Variants in LPCAT2 observed in about 807,000 individuals in gnomAD.
LPCAT2 encodes lysophosphatidylcholine acyltransferase 2.
LPCAT2 carries 58 observed loss-of-function variants against 64.7 expected under a neutral mutation model. The ratio of observed to expected loss-of-function variants is 0.90; its 90% confidence interval spans 0.73 to 1.12. The LOEUF (loss-of-function observed/expected upper bound fraction) is 1.12, where lower values mean the gene tolerates loss of function less well. Ranked by LOEUF, LPCAT2 falls within the 50% of genes most tolerant of loss-of-function variation. LPCAT2 has a pLI of 0.00. For missense variants in LPCAT2, 579 were observed against 669.8 expected, an observed-to-expected ratio of 0.86 and a Z score of 1.50; for synonymous variants, 252 against 245.3, an observed-to-expected ratio of 1.03 and a Z score of -0.26.
At chr16:55,582,232 CCT>C (rs1240868525) in intron 13 of LPCAT2, among the ~76,000 whole-genome samples, 4 of 152,136 alleles carry the variant, frequency 2.6e-5, no homozygotes, top group Admixed American at 6.5e-5. Context: ...TCCAGAAACC[CCT>C]GTGTGCCCTT....
At chr16:55,553,919 A>G (rs1237002196) in intron 11 of LPCAT2, among the ~76,000 whole-genome samples, 1 of 152,216 alleles carries the variant, frequency 6.6e-6, no homozygotes, top group Non-Finnish European at 1.5e-5. Context: ...GCCTATTTCT[A>G]TATCTCCATC....
intron 11 of LPCAT2, among the ~76,000 whole-genome samples, chr16:55,560,958 A>C (rs1963629599): frequency 6.6e-6 from 1 of 152,132 alleles, no homozygotes; most frequent in Non-Finnish European, 1.5e-5. Flanking sequence ...TTTTTATGTC[A>C]TTAACTGTTA....
intron 11 of LPCAT2, among the ~76,000 whole-genome samples, chr16:55,573,817 C>T (rs144232517): frequency 4.7e-4 from 71 of 151,842 alleles, no homozygotes; most frequent in African/African-American, 1.7e-3. Context: ...TCCTTCAGTC[C>T]TCCCTACTTT....
chr16:55,549,333 C>T lies in LPCAT2; in HGVS notation c.992C>T (p.Ser331Leu). Residue 331 changes from serine to leucine, a missense_variant, in exon 10 of 14, where the codon TCA (serine) becomes TTA (leucine). By Grantham distance (145) the Ser-to-Leu change is moderately radical. Transcript: ENST00000262134. Reference protein sequence around the residue: ...HTYEDCRLMISAGQLTLPMEA... With the variant: ...HTYEDCRLMILAGQLTLPMEA... Reference sequence around the variant, plus strand: ...TATGAAGACTGCAGATTGATGATTTCAGCAGGACAGCTAACATTGCCTATG... The same window carrying T: ...TATGAAGACTGCAGATTGATGATTTTAGCAGGACAGCTAACATTGCCTATG... 1 of 1,604,900 alleles carries T rather than the reference C, an allele frequency of 6.2e-7. No homozygotes were observed. The highest frequency in any genetic ancestry group is 8.5e-7 in the Non-Finnish European group (1 of 1,176,410).
At chr16:55,518,628 C>A (rs1184273488) in intron 1 of LPCAT2, among the ~76,000 whole-genome samples, 1 of 152,180 alleles carries the variant, frequency 6.6e-6, no homozygotes, top group African/African-American at 2.4e-5. Flanking sequence ...TAAATTCATA[C>A]GTCTGTGGCC....
chr16:55,543,623 C>A lies in LPCAT2; in HGVS notation c.853-2112C>A, dbSNP rs973602622. Among the ~76,000 whole-genome samples the A allele has an allele frequency of 4.0e-5, 6 of 151,632 alleles. No individual in the cohort carries two copies. The East Asian group carries it at 5.8e-4, about 15-fold the overall frequency. ...GGGAATTTTTAGAAATATTTCTTTG[C>A]CAAGATAGTTATTCTAGATATATAA... On this transcript the variant is annotated intron_variant, in intron 8 of 13. Transcript: ENST00000262134.
intron 7 of LPCAT2, among the ~76,000 whole-genome samples, chr16:55,535,430 A>G (rs1963311624): frequency 6.6e-6 from 1 of 152,240 alleles, no homozygotes; most frequent in Non-Finnish European, 1.5e-5. Context: ...AACTGATGAG[A>G]CAGTAGAATA....
chr16:55,569,621 G>A (rs1350181657), intron 11 of LPCAT2, among the ~76,000 whole-genome samples: 3 of 152,092 alleles, frequency 2.0e-5, no homozygotes, highest in African/African-American at 7.2e-5. Flanking sequence ...TGGTATTATT[G>A]CCCTTGCTTC....
intron 11 of LPCAT2, among the ~76,000 whole-genome samples, chr16:55,568,657 A>G (rs1403410737): frequency 6.6e-6 from 1 of 152,150 alleles, no homozygotes; most frequent in Non-Finnish European, 1.5e-5. Context: ...ATGATCAGCC[A>G]AGGTTGACAG....
chr16:55,522,609 G>A (rs2142394468), intron 1 of LPCAT2, among the ~76,000 whole-genome samples: 1 of 151,812 alleles, frequency 6.6e-6, no homozygotes, highest in Admixed American at 6.6e-5. Context: ...AAGTAAGGTG[G>A]TGGAGTATTG....
At chr16:55,510,976 C>T (rs1320626674) in intron 1 of LPCAT2, among the ~76,000 whole-genome samples, 6 of 152,098 alleles carry the variant, frequency 3.9e-5, no homozygotes, top group African/African-American at 9.7e-5. Context: ...AAGATCTCTT[C>T]CAAATAACTC....
chr16:55,548,799 G>A (rs1963482115), intron 9 of LPCAT2, among the ~76,000 whole-genome samples: 1 of 152,122 alleles, frequency 6.6e-6, no homozygotes, highest in Non-Finnish European at 1.5e-5. Flanking sequence ...CAGGTGTGAG[G>A]CACTGTGTTC....
At chr16:55,558,245 T>G (rs1159455167) in intron 11 of LPCAT2, among the ~76,000 whole-genome samples, 2 of 152,322 alleles carry the variant, frequency 1.3e-5, no homozygotes, top group Admixed American at 6.5e-5. Flanking sequence ...TCAAAGACAC[T>G]TAACAAGATT....
chr16:55,511,456 T>G (rs181531386), intron 1 of LPCAT2, among the ~76,000 whole-genome samples: 1 of 152,316 alleles, frequency 6.6e-6, no homozygotes, highest in Admixed American at 6.5e-5. Flanking sequence ...TAATTTAGAC[T>G]AAGTTTAATC....
intron 8 of LPCAT2, among the ~76,000 whole-genome samples, chr16:55,544,814 G>T (rs1963435260): frequency 6.6e-6 from 1 of 151,690 alleles, no homozygotes; most frequent in African/African-American, 2.4e-5. Context: ...GAAAATAAGG[G>T]TTTTTTTTGA....
At position 55,557,275 on chromosome 16, in the gene LPCAT2, C is replaced by T. The variant is rs190768529; in HGVS notation, c.1215+6173C>T. 3.4e-3 allele frequency among the ~76,000 whole-genome samples: 517 copies of T among 152,072 alleles called. 4 individuals are homozygous for T. Among genetic ancestry groups the T allele is most frequent in the African/African-American group, 0.012 (483 of 41,498 alleles). ...TCTCTCTATCTCTCTGTCTCTGTCT[C>T]TCTCTCTCTGTCTTCTTCTCTCTCT... is the stretch of plus-strand genomic sequence containing the variant. On this transcript the variant is annotated intron_variant, in intron 11 of 13. Coordinates refer to ENST00000262134, the MANE Select transcript of LPCAT2 (RefSeq NM_017839.5).
At position 55,529,889 on chromosome 16, in the gene LPCAT2, G is replaced by C; in HGVS notation, c.584G>C (p.Arg195Pro). ...GTGTCCCGTGTAGATCCGGATTCCC[G>C]AAAAAACACAATAAATGAAATAATA... ...VLVSRVDPDS[R>P]KNTINEIIKR... Residue 195 changes from arginine (R) to proline (P), a missense_variant, in exon 4 of 14, where the codon CGA (arginine) becomes CCA (proline). Transcript: ENST00000262134. 3 of 1,583,142 alleles carry C rather than the reference G, an allele frequency of 1.9e-6. No individual in the cohort carries two copies. Among genetic ancestry groups the C allele is most frequent in the Non-Finnish European group, 2.6e-6 (3 of 1,165,240 alleles).
intron 11 of LPCAT2, among the ~76,000 whole-genome samples, chr16:55,554,273 A>C (rs533894856): frequency 4.6e-5 from 7 of 152,238 alleles, no homozygotes; most frequent in African/African-American, 1.4e-4. Context: ...CGTAGATGGC[A>C]TTTTCTTTCA....
chr16:55,567,071 CA>C (rs1424157854), intron 11 of LPCAT2: 3 of 1,613,820 alleles, frequency 1.9e-6, no homozygotes, highest in Non-Finnish European at 1.7e-6. Context: ...ATATTCTCAA[CA>C]AAGTCCTTTC....
Sources: gnomAD v4.1 joint callset for allele counts (sites outside exome capture counted in the v4.1 genomes callset) on GRCh38, gnomAD v4.1.1 for gene constraint, MANE v1.5 for transcripts, NCBI Gene and HGNC (gene_info 2026-07-23, HGNC 2026-07-21) for gene names.